AFAP1: variants seen among roughly 807,000 people sequenced by gnomAD.
AFAP1 encodes the protein actin filament associated protein 1.
Under a neutral mutation model 93.9 loss-of-function variants are expected in AFAP1, and 75 were observed. The observed-to-expected ratio is 0.80, with a 90% CI of 0.66 to 0.97. The LOEUF is 0.97. AFAP1 is among the 50% of genes least tolerant of loss of function. The pLI is 0.00. For missense variants in AFAP1, 1,201 were observed against 1,050.8 expected (o/e 1.14, Z -1.98); for synonymous variants, 517 against 430.7 (o/e 1.20, Z -2.48).
chr4:7,779,009 A>C, intron 13 of AFAP1, 133 bp from the exon 14 acceptor site: 1 of 679,298 alleles, frequency 1.5e-6, no homozygotes, highest in Non-Finnish European at 2.4e-6. Flanking sequence ...GGAAAAATCG[A>C]AAGTGAAAGA....
intron 14 of AFAP1, 54 bp downstream of exon 14, chr4:7,778,708 G>T (rs1430091275): frequency 5.8e-6 from 9 of 1,556,686 alleles, no homozygotes; most frequent in Admixed American, 5.0e-5. Context: ...GACAGGCCCA[G>T]CTCCACCAAG....
chr4:7,787,890 C>A (rs1717457607), intron 11 of AFAP1, among the ~76,000 whole-genome samples: 1 of 152,198 alleles, frequency 6.6e-6, no homozygotes, highest in Admixed American at 6.5e-5. Flanking sequence ...TCGCGGCTCC[C>A]CCAGCCACTC....
chr4:7,810,962 G>T (rs1031781716), intron 8 of AFAP1, among the ~76,000 whole-genome samples: 3 of 152,256 alleles, frequency 2.0e-5, no homozygotes, highest in African/African-American at 4.8e-5. Flanking sequence ...TGCAGGGGCA[G>T]GGATCAGGCA....
intron 2 of AFAP1, 28 bp from the exon 3 acceptor site, chr4:7,868,747 C>A: frequency 6.2e-7 from 1 of 1,603,138 alleles, no homozygotes; most frequent in Non-Finnish European, 8.5e-7. Flanking sequence ...AACCACAGAA[C>A]TGGATGAGGA....
chr4:7,799,748 A>G (rs573986185), intron 10 of AFAP1, among the ~76,000 whole-genome samples: 1 of 152,204 alleles, frequency 6.6e-6, no homozygotes, highest in Non-Finnish European at 1.5e-5. Flanking sequence ...ACATCAACAG[A>G]ATGTTTTCTA....
At chr4:7,927,756 C>G (rs376639582) in intron 1 of AFAP1, among the ~76,000 whole-genome samples, 3 of 152,126 alleles carry the variant, frequency 2.0e-5, no homozygotes, top group African/African-American at 7.2e-5. Context: ...CTTAACTATG[C>G]AGAATGGTTA....
intron 15 of AFAP1, 127 bp downstream of exon 15, chr4:7,774,612 G>A (rs2148966951): frequency 7.4e-7 from 1 of 1,347,380 alleles, no homozygotes; most frequent in Non-Finnish European, 9.9e-7. Flanking sequence ...AACACTGTGA[G>A]ATAACCCACT....
chr4:7,931,851 T>C (rs1259165581), intron 1 of AFAP1, among the ~76,000 whole-genome samples: 2 of 152,054 alleles, frequency 1.3e-5, no homozygotes, highest in Admixed American at 6.6e-5. Flanking sequence ...CTTAGGATTA[T>C]AGATTCTGGT....
At chr4:7,798,140 T>C (rs35900661) in intron 10 of AFAP1, among the ~76,000 whole-genome samples, 148 of 72,144 alleles carry the variant, frequency 2.1e-3, no homozygotes, top group African/African-American at 6.3e-3. Context: ...TGCAACTCTA[T>C]TGGCTGGCTC....
At chr4:7,802,876 C>T (rs557487126) in intron 9 of AFAP1, among the ~76,000 whole-genome samples, 1 of 152,210 alleles carries the variant, frequency 6.6e-6, no homozygotes, top group East Asian at 1.9e-4. Flanking sequence ...GTCTCGATCT[C>T]CTGACCTTGT....
At chr4:7,814,590 A>G (rs543218400) in intron 8 of AFAP1, among the ~76,000 whole-genome samples, 1 of 152,358 alleles carries the variant, frequency 6.6e-6, no homozygotes, top group South Asian at 2.1e-4. Context: ...GCAGCAGCAA[A>G]GAACCAACTA....
intron 1 of AFAP1, among the ~76,000 whole-genome samples, chr4:7,911,779 T>C (rs1719745586): frequency 6.6e-6 from 1 of 152,142 alleles, no homozygotes; most frequent in Non-Finnish European, 1.5e-5. Flanking sequence ...AGACAGCAAA[T>C]CCATCTCTCT....
intron 8 of AFAP1, among the ~76,000 whole-genome samples, chr4:7,811,113 G>A (rs1719990470): frequency 6.6e-6 from 1 of 152,238 alleles, no homozygotes; most frequent in Admixed American, 6.5e-5. Flanking sequence ...TGGAGCTGAG[G>A]GGAGGCCGGC....
chr4:7,863,233 T>C (rs1339150139), intron 3 of AFAP1, among the ~76,000 whole-genome samples: 1 of 152,102 alleles, frequency 6.6e-6, no homozygotes, highest in African/African-American at 2.4e-5. Flanking sequence ...CTGGGCAACA[T>C]GGTGAAAACC....
chr4:7,811,394 C>G (rs549801141), intron 8 of AFAP1, among the ~76,000 whole-genome samples: 1 of 151,694 alleles, frequency 6.6e-6, no homozygotes, highest in South Asian at 2.1e-4. Context: ...CAAGACGACG[C>G]GCCCTGGCCT....
intron 1 of AFAP1, among the ~76,000 whole-genome samples, chr4:7,891,290 A>T (rs999261695): frequency 1.3e-5 from 2 of 152,196 alleles, no homozygotes; most frequent in African/African-American, 4.8e-5. Context: ...GACTGACAGC[A>T]GGGGCTGTGA....
intron 1 of AFAP1, among the ~76,000 whole-genome samples, chr4:7,910,803 G>A (rs2149225734): frequency 6.6e-6 from 1 of 152,238 alleles, no homozygotes; most frequent in East Asian, 1.9e-4. Context: ...TCTGCTGGAG[G>A]TGAGTATGTG....
At position 7,793,688 on chromosome 4, in the gene AFAP1, T is replaced by C; in HGVS notation, c.1405A>G (p.Thr469Ala). The change falls in exon 11 of 18, where the codon ACC becomes GCC. Residue 469 changes from threonine (T) to alanine (A), a missense_variant. By Grantham distance (58) the Thr-to-Ala change is moderately conservative. Coordinates refer to ENST00000420658, the MANE Select transcript of AFAP1 (RefSeq NM_001134647.2). Reference sequence around the variant, plus strand: ...CATGGCAGTGGGTCTTACCAGAAGGTCTGTTTGGCTGTCTGAATGACACTT... The same window carrying C: ...CATGGCAGTGGGTCTTACCAGAAGGCCTGTTTGGCTGTCTGAATGACACTT... Reference protein sequence around the residue: ...SASVIQTAKQTFCFMNRRVIS... With the variant: ...SASVIQTAKQAFCFMNRRVIS... 6.5e-7 allele frequency: 1 copy of C among 1,545,566 alleles called. No homozygotes were observed. Among genetic ancestry groups the C allele is most frequent in the East Asian group, 2.3e-5 (1 of 43,720 alleles).
intron 1 of AFAP1, among the ~76,000 whole-genome samples, chr4:7,929,062 AGAG>A (rs1720922100): frequency 6.6e-6 from 1 of 152,244 alleles, no homozygotes; most frequent in African/African-American, 2.4e-5. Context: ...TGCTCTCAGG[AGAG>A]GAGGCAGGGG....
Sources: allele counts gnomAD v4.1 joint callset (sites outside exome capture counted in the v4.1 genomes callset), GRCh38; gene constraint gnomAD v4.1.1; transcripts MANE v1.5; gene names NCBI Gene and HGNC (gene_info 2026-07-23, HGNC 2026-07-21).